KIF20B: variants seen among roughly 807,000 people sequenced by gnomAD.
KIF20B encodes the protein kinesin family member 20B, also known as kinesin-like protein KIF20B.
In KIF20B, 188 loss-of-function variants were observed where a neutral mutation model predicts 232.5. That is an observed-to-expected ratio of 0.81 (90% CI 0.72 to 0.91). The LOEUF (loss-of-function observed/expected upper bound fraction) is 0.91. Ranked by LOEUF, KIF20B falls within the 40% of genes least tolerant of loss-of-function variation. KIF20B has a pLI of 0.00. For missense variants in KIF20B, 2,154 were observed against 2,055.9 expected, an observed-to-expected ratio of 1.05 and a Z score of -0.92; for synonymous variants, 712 against 683.0, an observed-to-expected ratio of 1.04 and a Z score of -0.66.
chr10:89,710,345 T>C (rs1435838982), intron 5 of KIF20B, among the ~76,000 whole-genome samples: 2 of 151,904 alleles, frequency 1.3e-5, no homozygotes, highest in Non-Finnish European at 2.9e-5. Context: ...CCTGAGCTGC[T>C]CAGCTTCCCA....
chr10:89,771,096 C>A (rs1182226128), intron 31 of KIF20B, among the ~76,000 whole-genome samples: 1 of 151,774 alleles, frequency 6.6e-6, no homozygotes, highest in African/African-American at 2.4e-5. Context: ...TGGAACACAC[C>A]CTGGCTTTTG....
chr10:89,711,589 T>C (rs1842838225), intron 6 of KIF20B, among the ~76,000 whole-genome samples: 1 of 152,064 alleles, frequency 6.6e-6, no homozygotes, highest in South Asian at 2.1e-4. Context: ...ATAAAATCCA[T>C]ATACAGAGCT....
At chr10:89,744,847 A>G (rs1285896040) in intron 22 of KIF20B, among the ~76,000 whole-genome samples, 1 of 152,192 alleles carries the variant, frequency 6.6e-6, no homozygotes, top group Non-Finnish European at 1.5e-5. Context: ...CGAGATCTCC[A>G]TATTCCATAA....
chr10:89,709,915 ATGTT>A lies in KIF20B; in HGVS notation c.352-9_352-6del. 1 of 1,560,854 alleles carries A rather than the reference ATGTT, an allele frequency of 6.4e-7. No homozygotes were observed. Among genetic ancestry groups the A allele is most frequent in the Non-Finnish European group, 8.6e-7 (1 of 1,158,602 alleles). On this transcript the variant is annotated splice_region_variant and splice_polypyrimidine_tract_variant and intron_variant, in intron 4 of 32. Coordinates refer to ENST00000371728, the MANE Select transcript of KIF20B (RefSeq NM_001284259.2). ...ATTTTCTAAAAAGAGTTTTTAAAAA[ATGTT>A]TGCTTAGGTTTTTGGCCCAGCAACT... is the stretch of plus-strand genomic sequence containing the variant.
intron 2 of KIF20B, among the ~76,000 whole-genome samples, chr10:89,706,928 T>C (rs1310615252): frequency 2.6e-5 from 4 of 152,178 alleles, no homozygotes; most frequent in Non-Finnish European, 5.9e-5. Flanking sequence ...AGCTTGCCAG[T>C]TTCTACAAGA....
At chr10:89,753,058 C>T (rs938021094) in intron 25 of KIF20B, among the ~76,000 whole-genome samples, 7 of 152,144 alleles carry the variant, frequency 4.6e-5, no homozygotes, top group Non-Finnish European at 1.0e-4. Context: ...ATTTTGATTA[C>T]TTTAAATCTC....
In KIF20B at chr10:89,716,500, G is replaced by A. The variant is rs749575742; in HGVS notation, c.1005G>A (p.Lys335=). The change falls in exon 9 of 33, where the codon AAG becomes AAA. Residue 335 remains lysine, a synonymous_variant. Coordinates refer to ENST00000371728, the MANE Select transcript of KIF20B (RefSeq NM_001284259.2). ...EAYRLLKLGI[K]HQSVAFTKLN... ...ATAGACTTTTAAAACTAGGAATAAA[G>A]CACCAGAGTGTTGCCTTCACAAAAT... is the stretch of plus-strand genomic sequence containing the variant. The A allele has an allele frequency of 1.1e-5, 17 of 1,595,372 alleles. No individual in the cohort carries two copies. In the East Asian group the frequency reaches 3.8e-4, roughly 36 times the overall value.
intron 31 of KIF20B, among the ~76,000 whole-genome samples, chr10:89,769,283 A>G (rs557338974): frequency 6.6e-6 from 1 of 152,106 alleles, no homozygotes; most frequent in Non-Finnish European, 1.5e-5. Context: ...AAGGGTGAGA[A>G]TACAGTCATG....
intron 29 of KIF20B, among the ~76,000 whole-genome samples, chr10:89,767,442 A>G (rs1842386304): frequency 6.7e-6 from 1 of 150,222 alleles, no homozygotes. Context: ...CTGGCATCCT[A>G]TGATTACCAT....
At position 89,722,040 on chromosome 10, in the gene KIF20B, T is replaced by A. The variant is rs1339590017; in HGVS notation, c.1723-1924T>A. Among the ~76,000 whole-genome samples, 4 of 152,048 alleles carry A rather than the reference T, an allele frequency of 2.6e-5. No individual in the cohort carries two copies. In the East Asian group the frequency reaches 7.7e-4, roughly 29 times the overall value. ...GATCCTCTTGCCTCAGTCTCCTGAGTAGCTGGGACCACAGATGCATGCCAC... is the reference window on the plus strand; with the variant it reads ...GATCCTCTTGCCTCAGTCTCCTGAGAAGCTGGGACCACAGATGCATGCCAC... On this transcript the variant is annotated intron_variant, in intron 13 of 32. Transcript: ENST00000371728.
intron 28 of KIF20B, 64 bp from the exon 29 acceptor site, chr10:89,762,574 A>AT (rs1238196936): frequency 4.4e-5 from 55 of 1,263,396 alleles, no homozygotes; most frequent in Admixed American, 1.2e-4. Flanking sequence ...GAGAGAATTA[A>AT]TTCTTTGTGG....
At position 89,754,523 on chromosome 10, in the gene KIF20B, T is replaced by G; in HGVS notation, c.4353T>G (p.Ser1451=). ...TATACCATTTATATATACAGGAGTC[T>G]GAACAGAAATATAATGCTGATAGAA... ...LTNLQDELQE[S]EQKYNADRKK... The change falls in exon 26 of 33, where the codon TCT becomes TCG. Residue 1451 remains serine (S), a synonymous_variant. Transcript: ENST00000371728. 5.1e-6 allele frequency: 8 copies of G among 1,582,770 alleles called. No homozygotes were observed. Among genetic ancestry groups the G allele is most frequent in the Non-Finnish European group, 6.9e-6 (8 of 1,164,644 alleles).
Position 89,738,711 on chromosome 10 carries a change from G to T in KIF20B, c.3776+94G>T, listed in dbSNP as rs978354172. The stretch of plus-strand genomic sequence containing the variant: ...AAGTTAGATAGTCATACTTAATCTG[G>T]TAAAGCGTAGCATGTATGATGAGTG... On this transcript the variant is annotated intron_variant, in intron 20 of 32. Transcript: ENST00000371728. The T allele has an allele frequency of 7.1e-6, 10 of 1,404,144 alleles. No homozygotes were observed. In the African/African-American group the frequency reaches 1.5e-4, roughly 20 times the overall value. The allele number at this position is 1,404,144 out of a possible 1,614,324, so 87.0% of individuals were successfully genotyped here. A position where few individuals can be genotyped will look rare whatever the true frequency, so the allele number is the denominator to read the frequency against.
chr10:89,759,184 C>G (rs1474743937), intron 27 of KIF20B, among the ~76,000 whole-genome samples: 1 of 151,916 alleles, frequency 6.6e-6, no homozygotes, highest in Non-Finnish European at 1.5e-5. Flanking sequence ...ATGGTTTAGT[C>G]CCCAGTCTGC....
At chr10:89,733,112 A>G (rs1203808532) in intron 19 of KIF20B, 56 bp downstream of exon 19, 1 of 1,581,308 alleles carries the variant, frequency 6.3e-7, no homozygotes, top group South Asian at 1.1e-5. Flanking sequence ...CTAAACCAGT[A>G]AATAGAACAA....
At chr10:89,761,726 A>G (rs1166842533) in intron 28 of KIF20B, among the ~76,000 whole-genome samples, 1 of 152,192 alleles carries the variant, frequency 6.6e-6, no homozygotes, top group Non-Finnish European at 1.5e-5. Context: ...GACTAATACA[A>G]ATCATAAATT....
intron 6 of KIF20B, among the ~76,000 whole-genome samples, chr10:89,713,145 A>G (rs555572925): frequency 1.1e-4 from 17 of 152,118 alleles, no homozygotes; most frequent in Non-Finnish European, 2.1e-4. Flanking sequence ...TGATCACTTG[A>G]GGCCAGGAGT....
intron 16 of KIF20B, among the ~76,000 whole-genome samples, chr10:89,727,258 C>G (rs201756064): frequency 6.8e-5 from 9 of 131,670 alleles, no homozygotes; most frequent in African/African-American, 9.2e-5. Context: ...TCTTCCCCCC[C>G]CCTTTTTTTT....
rs1457068575 is a variant in KIF20B at position 89,737,446 on chromosome 10, C to A, written c.2605C>A (p.Pro869Thr). ...EDQKKSEEVR[P>T]NIAEIEDIRV... ...CCAAAAGAAAAGTGAAGAAGTGCGA[C>A]CGAACATTGCAGAAATTGAAGACAT... The change falls in exon 20 of 33, where the codon CCG becomes ACG. Residue 869 changes from proline (P) to threonine (T), a missense_variant. Physicochemically the swap from Pro to Thr is conservative, Grantham distance 38. Coordinates refer to ENST00000371728, the MANE Select transcript of KIF20B (RefSeq NM_001284259.2). The A allele has an allele frequency of 6.2e-7, 1 of 1,604,700 alleles. No homozygotes were observed. The highest frequency in any genetic ancestry group is 1.7e-5 in the Admixed American group (1 of 57,928).
Sources: allele counts gnomAD v4.1 joint callset (sites outside exome capture counted in the v4.1 genomes callset), GRCh38; gene constraint gnomAD v4.1.1; transcripts MANE v1.5; gene names NCBI Gene and HGNC (gene_info 2026-07-23, HGNC 2026-07-21).